The following ESRRG variants were observed in gnomAD, a reference collection of about 807,000 sequenced individuals.
The protein encoded by ESRRG is estrogen related receptor gamma, also known as estrogen-related receptor gamma.
ESRRG carries 13 observed loss-of-function variants against 44.0 expected under a neutral mutation model. That is an observed-to-expected ratio of 0.30 (90% CI 0.19 to 0.47). ESRRG has a LOEUF of 0.47. Ranked by LOEUF, ESRRG falls within the 20% of genes least tolerant of loss-of-function variation. The probability of loss-of-function intolerance (pLI) is 1.00; values close to 1 mark genes in which losing one functional copy is unlikely to be tolerated. For missense variants in ESRRG, 395 were observed against 580.6 expected, an observed-to-expected ratio of 0.68 and a Z score of 3.29; for synonymous variants, 215 against 214.6, an observed-to-expected ratio of 1.00 and a Z score of -0.02.
chr1:216,723,934 T>C (rs185907601), upstream of ESRRG, among the ~76,000 whole-genome samples: 6 of 152,306 alleles, frequency 3.9e-5, no homozygotes, highest in Non-Finnish European at 7.3e-5. Context: ...TCTGTGTTTT[T>C]ATTACACCGG....
At chr1:216,996,361 G>A (rs1414423723) in intron 1 of ESRRG, among the ~76,000 whole-genome samples, 2 of 151,908 alleles carry the variant, frequency 1.3e-5, no homozygotes, top group Admixed American at 6.6e-5. Flanking sequence ...AATGGAAATG[G>A]GAAAAATGGA....
upstream of ESRRG, chr1:216,723,434 A>C: frequency 2.6e-6 from 2 of 767,614 alleles, no homozygotes; most frequent in Non-Finnish European, 2.3e-6. Flanking sequence ...AAGCTCTCAC[A>C]CTCTCCTAAT....
chr1:217,027,730 AG>A (rs1208899214), intron 1 of ESRRG, among the ~76,000 whole-genome samples: 10 of 152,212 alleles, frequency 6.6e-5, no homozygotes, highest in Non-Finnish European at 1.3e-4. Flanking sequence ...GGAACACAGG[AG>A]GTAAAGCTTG....
intron 1 of ESRRG, among the ~76,000 whole-genome samples, chr1:217,016,207 T>C (rs1433832840): frequency 6.6e-6 from 1 of 152,176 alleles, no homozygotes; most frequent in African/African-American, 2.4e-5. Context: ...TAATGCAGAC[T>C]GAGATAGTCT....
At chr1:217,070,101 G>C (rs868168217) in intron 1 of ESRRG, among the ~76,000 whole-genome samples, 1 of 152,078 alleles carries the variant, frequency 6.6e-6, no homozygotes, top group African/African-American at 2.4e-5. Flanking sequence ...CTGGGGCAAG[G>C]GTCCAGGAAG....
intron 2 of ESRRG, among the ~76,000 whole-genome samples, chr1:216,930,695 A>C (rs1384414861): frequency 6.6e-6 from 1 of 152,212 alleles, no homozygotes; most frequent in Non-Finnish European, 1.5e-5. Context: ...ATGAGTCTTA[A>C]ATAGTACTGA....
chr1:216,714,982 T>G, intron 1 of ESRRG: 1 of 607,590 alleles, frequency 1.6e-6, no homozygotes, highest in Non-Finnish European at 2.1e-6. Context: ...AATCTCTGCC[T>G]GAGCTTCTGT....
chr1:216,643,656 C>A (rs1345471175), intron 3 of ESRRG, among the ~76,000 whole-genome samples: 1 of 152,162 alleles, frequency 6.6e-6, no homozygotes, highest in Non-Finnish European at 1.5e-5. Flanking sequence ...CTCTAGGCTG[C>A]TCAGTTATCC....
intron 2 of ESRRG, among the ~76,000 whole-genome samples, chr1:216,869,570 A>C (rs2096229846): frequency 6.6e-6 from 1 of 152,078 alleles, no homozygotes; most frequent in South Asian, 2.1e-4. Context: ...CAGTTTGTCT[A>C]TGTCCACAAG....
intron 3 of ESRRG, among the ~76,000 whole-genome samples, chr1:216,594,116 T>G (rs772380395): frequency 1.3e-5 from 2 of 152,188 alleles, no homozygotes; most frequent in African/African-American, 2.4e-5. Context: ...TTATGAGAGT[T>G]GAGGTCAAAT....
chr1:216,820,549 T>G lies in ESRRG; in HGVS notation c.-14+119033A>C, dbSNP rs1021544419. 6.6e-5 allele frequency among the ~76,000 whole-genome samples: 10 copies of G among 152,292 alleles called. No individual in the cohort carries two copies. In the East Asian group the frequency reaches 1.9e-3, roughly 29 times the overall value. On this transcript the variant is annotated intron_variant, in intron 2 of 7. Coordinates refer to the ESRRG transcript ENST00000359162. ...TTCAAATTCCCATGCCAGTAAGCCTTTCGACTCTAGGCACTCATTCAAAAA... is the reference window on the plus strand; with the variant it reads ...TTCAAATTCCCATGCCAGTAAGCCTGTCGACTCTAGGCACTCATTCAAAAA...
chr1:216,597,154 A>G (rs1052524482), intron 3 of ESRRG, among the ~76,000 whole-genome samples: 1 of 152,194 alleles, frequency 6.6e-6, no homozygotes. Flanking sequence ...ATAGTCACCC[A>G]ATTCCATTTA....
intron 1 of ESRRG, among the ~76,000 whole-genome samples, chr1:216,706,215 G>T (rs1287393776): frequency 1.3e-5 from 2 of 151,604 alleles, no homozygotes; most frequent in Non-Finnish European, 2.9e-5. Flanking sequence ...AAAGTGAAGA[G>T]AATTCAAAGG....
intron 1 of ESRRG, among the ~76,000 whole-genome samples, chr1:217,115,723 T>A (rs2092716799): frequency 6.6e-6 from 1 of 152,096 alleles, no homozygotes; most frequent in Non-Finnish European, 1.5e-5. Context: ...CACCCTCCCA[T>A]GTTGTCTTCC....
intron 1 of ESRRG, among the ~76,000 whole-genome samples, chr1:217,131,852 A>G (rs2092970997): frequency 6.6e-6 from 1 of 152,226 alleles, no homozygotes; most frequent in Non-Finnish European, 1.5e-5. Flanking sequence ...GGTTCTCCCT[A>G]ATTCCTTCCC....
At chr1:216,587,879 G>A (rs999062245) in intron 3 of ESRRG, among the ~76,000 whole-genome samples, 2 of 152,140 alleles carry the variant, frequency 1.3e-5, no homozygotes, top group African/African-American at 4.8e-5. Context: ...TTGCTGAAGT[G>A]TGTCAATTTT....
chr1:216,817,307 G>C (rs748910116), intron 2 of ESRRG, among the ~76,000 whole-genome samples: 1 of 152,174 alleles, frequency 6.6e-6, no homozygotes, highest in Non-Finnish European at 1.5e-5. Context: ...TGTATCATCT[G>C]AGTATGAAAA....
At chr1:216,631,631 C>T (rs899787751) in intron 3 of ESRRG, among the ~76,000 whole-genome samples, 3 of 151,964 alleles carry the variant, frequency 2.0e-5, no homozygotes, top group Non-Finnish European at 4.4e-5. Context: ...GGTCTTTCCT[C>T]AAAAGGGATA....
At chr1:216,828,245 A>C (rs2164614) in intron 2 of ESRRG, among the ~76,000 whole-genome samples, 57,438 of 152,030 alleles carry the variant, frequency 0.38, 12,417 homozygotes, top group Non-Finnish European at 0.48. Context: ...ATTGAGCAAA[A>C]TTTGTATATA....
Sources: gnomAD v4.1 joint callset for allele counts (sites outside exome capture counted in the v4.1 genomes callset) on GRCh38, gnomAD v4.1.1 for gene constraint, MANE v1.5 for transcripts, NCBI Gene and HGNC (gene_info 2026-07-23, HGNC 2026-07-21) for gene names.